TMPRSS15: variants seen among roughly 807,000 people sequenced by gnomAD.
TMPRSS15 encodes the protein transmembrane serine protease 15, also known as enteropeptidase.
A neutral mutation model predicts 125.3 loss-of-function variants in TMPRSS15; 128 were observed. That is an observed-to-expected ratio of 1.02 (90% CI 0.89 to 1.18). The LOEUF (loss-of-function observed/expected upper bound fraction) is 1.18. TMPRSS15 is among the 50% of genes most tolerant of loss of function. TMPRSS15 has a pLI of 0.00. For synonymous variants in TMPRSS15, 446 were observed against 423.2 expected (o/e 1.05, Z -0.66); for missense variants, 1,283 against 1,212.7 (o/e 1.06, Z -0.86).
intron 5 of TMPRSS15, among the ~76,000 whole-genome samples, chr21:18,377,916 T>C (rs2075859212): frequency 6.6e-6 from 1 of 152,184 alleles, no homozygotes; most frequent in African/African-American, 2.4e-5. Context: ...TTAACAGGTA[T>C]GTCTTCAGAA....
chr21:18,374,185 A>C (rs1211917658), intron 5 of TMPRSS15, among the ~76,000 whole-genome samples: 1 of 152,150 alleles, frequency 6.6e-6, no homozygotes, highest in African/African-American at 2.4e-5. Context: ...TGAAGAGTAC[A>C]TCAATAGGCC....
At chr21:18,409,917 C>CCCTT (rs1168404266) in intron 1 of TMPRSS15, among the ~76,000 whole-genome samples, 5 of 132,822 alleles carry the variant, frequency 3.8e-5, no homozygotes, top group Admixed American at 7.8e-5. Context: ...CTCCCTCCCT[C>CCCTT]CCTTCCTTCC....
At chr21:18,470,432 G>T (rs1978755342) in intron 1 of TMPRSS15, among the ~76,000 whole-genome samples, 1 of 151,890 alleles carries the variant, frequency 6.6e-6, no homozygotes. Flanking sequence ...GTATACCTAG[G>T]TCTAGATGAC....
intron 5 of TMPRSS15, among the ~76,000 whole-genome samples, chr21:18,378,744 G>A (rs1425025061): frequency 6.6e-6 from 1 of 151,932 alleles, no homozygotes; most frequent in Admixed American, 6.6e-5. Context: ...ATTGACAGAA[G>A]CACAGCAGAC....
chr21:18,472,768 T>C (rs1170215001), intron 1 of TMPRSS15, among the ~76,000 whole-genome samples: 1 of 151,948 alleles, frequency 6.6e-6, no homozygotes, highest in Non-Finnish European at 1.5e-5. Context: ...ACTGAGTAGC[T>C]ACTAAAATCA....
At chr21:18,289,862 T>A (rs980770528) in intron 21 of TMPRSS15, among the ~76,000 whole-genome samples, 1 of 152,230 alleles carries the variant, frequency 6.6e-6, no homozygotes. Context: ...GAGAAACTTT[T>A]TGGGTGATTG....
chr21:18,389,041 A>G (rs2075968891), intron 3 of TMPRSS15, among the ~76,000 whole-genome samples: 1 of 151,744 alleles, frequency 6.6e-6, no homozygotes, highest in Non-Finnish European at 1.5e-5. Flanking sequence ...CAATAGAGTA[A>G]AGAATGATAT....
chr21:18,471,790 C>G (rs558755817), intron 1 of TMPRSS15, among the ~76,000 whole-genome samples: 1 of 152,176 alleles, frequency 6.6e-6, no homozygotes, highest in East Asian at 1.9e-4. Flanking sequence ...CTTCCTTTCT[C>G]TGCCAGTTAG....
intron 1 of TMPRSS15, among the ~76,000 whole-genome samples, chr21:18,449,246 A>G (rs2076262334): frequency 6.6e-6 from 1 of 152,188 alleles, no homozygotes; most frequent in Non-Finnish European, 1.5e-5. Context: ...GAATATGACA[A>G]TTCACAAAAA....
At chr21:18,444,685 C>T (rs1293283892) in intron 1 of TMPRSS15, among the ~76,000 whole-genome samples, 6 of 152,104 alleles carry the variant, frequency 3.9e-5, no homozygotes, top group Admixed American at 6.5e-5. Context: ...AAACATGTGT[C>T]ATTTCTTTTT....
intron 1 of TMPRSS15, among the ~76,000 whole-genome samples, chr21:18,478,502 T>C (rs1263346301): frequency 6.6e-6 from 1 of 152,042 alleles, no homozygotes; most frequent in Non-Finnish European, 1.5e-5. Flanking sequence ...GGTATATTCA[T>C]CGAAACTAAG....
chr21:18,439,418 T>C (rs1000783999), intron 1 of TMPRSS15, among the ~76,000 whole-genome samples: 1 of 152,172 alleles, frequency 6.6e-6, no homozygotes, highest in African/African-American at 2.4e-5. Flanking sequence ...TATTCTTTAC[T>C]CAAAGTAGTC....
intron 16 of TMPRSS15, among the ~76,000 whole-genome samples, chr21:18,324,103 G>GAAC (rs1230755513): frequency 1.3e-5 from 2 of 150,946 alleles, no homozygotes; most frequent in African/African-American, 4.9e-5. Flanking sequence ...TTTTTTTATT[G>GAAC]AACACACTAA....
intron 7 of TMPRSS15, among the ~76,000 whole-genome samples, chr21:18,364,026 A>T (rs993632902): frequency 6.6e-5 from 10 of 152,100 alleles, no homozygotes; most frequent in Admixed American, 5.9e-4. Context: ...TGTATAGAAC[A>T]ATCTTTTTCT....
intron 3 of TMPRSS15, among the ~76,000 whole-genome samples, chr21:18,385,844 A>G (rs1344466940): frequency 1.3e-5 from 2 of 152,060 alleles, no homozygotes; most frequent in African/African-American, 4.8e-5. Flanking sequence ...CCCGGGTTCA[A>G]GCAATTCTCC....
At chr21:18,288,046 C>T (rs2074786663) in intron 21 of TMPRSS15, among the ~76,000 whole-genome samples, 1 of 152,094 alleles carries the variant, frequency 6.6e-6, no homozygotes, top group South Asian at 2.1e-4. Flanking sequence ...GTGTTTATAA[C>T]AGCACTATTC....
At chr21:18,358,073 T>G (rs948616001) in intron 8 of TMPRSS15, among the ~76,000 whole-genome samples, 21 of 151,854 alleles carry the variant, frequency 1.4e-4, no homozygotes, top group Non-Finnish European at 2.4e-4. Flanking sequence ...TATTATATTT[T>G]TATGGCAATT....
intron 15 of TMPRSS15, among the ~76,000 whole-genome samples, chr21:18,328,467 G>T (rs187511702): frequency 4.1e-4 from 63 of 152,270 alleles, no homozygotes; most frequent in Admixed American, 4.0e-3. Flanking sequence ...CACATAAAGA[G>T]AACTACATAA....
intron 14 of TMPRSS15, among the ~76,000 whole-genome samples, chr21:18,331,868 G>A (rs1052571474): frequency 7.9e-5 from 12 of 152,168 alleles, no homozygotes; most frequent in Non-Finnish European, 1.3e-4. Context: ...ATGAAATAAT[G>A]TATATTGGGC....
Sources: allele counts gnomAD v4.1 joint callset (sites outside exome capture counted in the v4.1 genomes callset), GRCh38; gene constraint gnomAD v4.1.1; transcripts MANE v1.5; gene names NCBI Gene and HGNC (gene_info 2026-07-23, HGNC 2026-07-21).